Variants in SENP7 observed in about 807,000 individuals in gnomAD.
SENP7 encodes the protein SUMO specific peptidase 7.
SENP7 carries 64 observed loss-of-function variants against 141.2 expected under a neutral mutation model. That is an observed-to-expected ratio of 0.45 (90% CI 0.37 to 0.56). SENP7 has a LOEUF of 0.56. SENP7 is among the 20% of genes least tolerant of loss of function. The pLI is 0.00. For synonymous variants in SENP7, 382 were observed against 426.4 expected, an observed-to-expected ratio of 0.90 and a Z score of 1.28; for missense variants, 1,025 against 1,212.2, an observed-to-expected ratio of 0.85 and a Z score of 2.29.
intron 3 of SENP7, among the ~76,000 whole-genome samples, chr3:101,469,445 T>C (rs1260055053): frequency 1.3e-5 from 2 of 151,932 alleles, no homozygotes; most frequent in African/African-American, 2.4e-5. Context: ...ATCAACAGAA[T>C]ATACATTCTT....
chr3:101,335,244 T>C (rs766388626), intron 17 of SENP7, among the ~76,000 whole-genome samples: 3 of 152,124 alleles, frequency 2.0e-5, no homozygotes, highest in Non-Finnish European at 4.4e-5. Context: ...TATTATGAGA[T>C]GAGTTTAAGG....
At chr3:101,350,214 C>T (rs573124877) in intron 12 of SENP7, among the ~76,000 whole-genome samples, 3 of 152,044 alleles carry the variant, frequency 2.0e-5, no homozygotes, top group Admixed American at 6.6e-5. Context: ...CATGTGCCCC[C>T]GATGACCAAG....
At chr3:101,431,087 G>C (rs2062147980) in intron 4 of SENP7, among the ~76,000 whole-genome samples, 1 of 152,138 alleles carries the variant, frequency 6.6e-6, no homozygotes. Flanking sequence ...GCTGAGGAGT[G>C]TTTTACTTCC....
At chr3:101,339,758 C>T (rs535523952) in intron 16 of SENP7, among the ~76,000 whole-genome samples, 1 of 151,940 alleles carries the variant, frequency 6.6e-6, no homozygotes, top group African/African-American at 2.4e-5. Context: ...CTCAATAGAG[C>T]TGCTGTTTTT....
Position 101,327,690 on chromosome 3 carries a change from C to T in SENP7, c.2991G>A (p.Leu997=). Residue 997 remains leucine (L), a synonymous_variant, in exon 23 of 24, where the codon TTG becomes TTA. Coordinates refer to ENST00000394095, the MANE Select transcript of SENP7 (RefSeq NM_020654.5). Reference sequence around the variant, plus strand: ...CCTTGAAGAAGCTTTCCACATACTGCAATAAATATACTCCACAATCACTGC... The same window carrying T: ...CCTTGAAGAAGCTTTCCACATACTGTAATAAATATACTCCACAATCACTGC... ...DNSSDCGVYL[L]QYVESFFKDP... is the part of the protein sequence containing the mutation. 6.2e-7 allele frequency: 1 copy of T among 1,605,742 alleles called. No homozygotes were observed. Among genetic ancestry groups the T allele is most frequent in the Non-Finnish European group, 8.5e-7 (1 of 1,176,802 alleles).
At chr3:101,426,831 ACGACCT>A (rs2061977029) in intron 4 of SENP7, among the ~76,000 whole-genome samples, 1 of 152,132 alleles carries the variant, frequency 6.6e-6, no homozygotes, top group Admixed American at 6.5e-5. Context: ...TGATTACCAC[ACGACCT>A]GCCTTGGAAG....
intron 1 of SENP7, among the ~76,000 whole-genome samples, chr3:101,512,207 G>C (rs2065889409): frequency 6.6e-6 from 1 of 152,180 alleles, no homozygotes; most frequent in Non-Finnish European, 1.5e-5. Flanking sequence ...GATTCATTGG[G>C]CGTTCGTTTG....
At chr3:101,500,928 A>G (rs2065352049) in intron 2 of SENP7, 142 bp downstream of exon 2, 1 of 580,270 alleles carries the variant, frequency 1.7e-6, no homozygotes. Flanking sequence ...CCTTCAGTTA[A>G]TTAGAATACA....
At chr3:101,459,180 A>C in intron 3 of SENP7, 128 bp from the exon 4 acceptor site, 2 of 479,644 alleles carry the variant, frequency 4.2e-6, no homozygotes, top group South Asian at 7.7e-5. Context: ...AAAAATAATA[A>C]GTGCAATCTA....
chr3:101,472,137 C>A (rs989314101), intron 3 of SENP7, among the ~76,000 whole-genome samples: 1 of 152,224 alleles, frequency 6.6e-6, no homozygotes, highest in South Asian at 2.1e-4. Flanking sequence ...TTTGACTGAG[C>A]AATCCCATTA....
At chr3:101,491,574 A>G (rs1008568785) in intron 3 of SENP7, among the ~76,000 whole-genome samples, 1 of 152,128 alleles carries the variant, frequency 6.6e-6, no homozygotes, top group Non-Finnish European at 1.5e-5. Context: ...GTATCTTTCT[A>G]CACAGCCCAA....
intron 11 of SENP7, chr3:101,359,096 C>T (rs1188375955): frequency 6.6e-6 from 1 of 151,692 alleles, no homozygotes; most frequent in Non-Finnish European, 1.5e-5. Flanking sequence ...TAAAACGTGA[C>T]AAAGCCTTTA....
At chr3:101,453,572 T>C (rs2063232681) in intron 4 of SENP7, among the ~76,000 whole-genome samples, 1 of 152,112 alleles carries the variant, frequency 6.6e-6, no homozygotes. Flanking sequence ...TGTAGGGACA[T>C]GGATGAAGCT....
chr3:101,403,548 G>A (rs1301364761), intron 5 of SENP7, among the ~76,000 whole-genome samples: 1 of 152,090 alleles, frequency 6.6e-6, no homozygotes, highest in Non-Finnish European at 1.5e-5. Context: ...CATCCTCAAT[G>A]CTAATTTGCC....
At chr3:101,409,397 T>C (rs754315136) in intron 5 of SENP7, among the ~76,000 whole-genome samples, 11 of 152,088 alleles carry the variant, frequency 7.2e-5, no homozygotes, top group Non-Finnish European at 1.3e-4. Context: ...GCAATTCCTA[T>C]CAAAATACCG....
intron 21 of SENP7, 37 bp from the exon 22 acceptor site, chr3:101,328,583 C>CT: frequency 1.3e-6 from 2 of 1,599,926 alleles, no homozygotes; most frequent in Non-Finnish European, 1.7e-6. Context: ...GATTTACATA[C>CT]TTGTATACAA....
Position 101,429,629 on chromosome 3 carries a change from C to A in SENP7, c.285-11839G>T, listed in dbSNP as rs570230392. ...TTTCCTAAATATACAATCATGCCAT[C>A]TGTAAACAGAGACAATTTGACTTCC... On this transcript the variant is annotated intron_variant, in intron 4 of 23. Transcript: ENST00000394095. Among the ~76,000 whole-genome samples, 6 of 152,288 alleles carry A rather than the reference C, an allele frequency of 3.9e-5. No homozygotes were observed. The East Asian group carries it at 1.2e-3, about 29-fold the overall frequency.
Position 101,343,920 on chromosome 3 carries a change from G to C in SENP7, c.1872C>G (p.His624Gln), listed in dbSNP as rs1204201730. The C allele has an allele frequency of 6.2e-7, 1 of 1,603,616 alleles. No homozygotes were observed. Among genetic ancestry groups the C allele is most frequent in the Admixed American group, 1.7e-5 (1 of 58,792 alleles). Reference protein sequence around the residue: ...KSSEFIFLELHNPVSQREELK... With the variant: ...KSSEFIFLELQNPVSQREELK... Reference sequence around the variant, plus strand: ...ATTCTTCTCTTTGTGAAACAGGATTGTGTAGTTCAAGGAAAATGAATTCAC... The same window carrying C: ...ATTCTTCTCTTTGTGAAACAGGATTCTGTAGTTCAAGGAAAATGAATTCAC... Residue 624 changes from histidine to glutamine, a missense_variant, in exon 14 of 24, where the codon CAC (histidine) becomes CAG (glutamine). This residue lies in a region of SENP7 where 228 missense variants were observed against 228.5 expected (regional missense o/e 1.00). Coordinates refer to ENST00000394095, the MANE Select transcript of SENP7 (RefSeq NM_020654.5).
intron 18 of SENP7, 108 bp downstream of exon 18, chr3:101,332,662 C>G: frequency 1.7e-6 from 1 of 583,298 alleles, no homozygotes; most frequent in Admixed American, 3.9e-5. Flanking sequence ...TAAAATAATA[C>G]CTGAGATGTA....
Sources: gnomAD v4.1 joint callset for allele counts (sites outside exome capture counted in the v4.1 genomes callset) on GRCh38, gnomAD v4.1.1 for gene constraint, gnomAD v4.1.1 regional missense constraint, MANE v1.5 for transcripts, NCBI Gene and HGNC (gene_info 2026-07-23, HGNC 2026-07-21) for gene names.